Variants in KTN1 observed in about 807,000 individuals in gnomAD.
KTN1 encodes the protein kinectin 1, also known as kinectin.
In KTN1, 130 loss-of-function variants were observed where a neutral mutation model predicts 222.5. The ratio of observed to expected loss-of-function variants is 0.58; its 90% CI spans 0.51 to 0.68. The LOEUF (loss-of-function observed/expected upper bound fraction) is 0.68. KTN1 is among the 30% of genes least tolerant of loss of function. The probability of loss-of-function intolerance (pLI) is 0.00; values close to 1 mark genes in which losing one functional copy is unlikely to be tolerated. For synonymous variants in KTN1, 512 were observed against 496.3 expected (o/e 1.03, Z -0.42); for missense variants, 1,508 against 1,500.4 (o/e 1.01, Z -0.08).
At chr14:55,590,443 T>A (rs181911420) in intron 1 of KTN1, among the ~76,000 whole-genome samples, 121 of 152,332 alleles carry the variant, frequency 7.9e-4, no homozygotes, top group African/African-American at 2.9e-3. Flanking sequence ...TATAAAGACA[T>A]AATGAACAGC....
At chr14:55,594,441 C>T (rs945764193) in intron 1 of KTN1, among the ~76,000 whole-genome samples, 2 of 151,314 alleles carry the variant, frequency 1.3e-5, no homozygotes, top group African/African-American at 4.9e-5. Flanking sequence ...TGATCTCACT[C>T]ATCCTGTGTT....
chr14:55,668,242 C>T (rs139053698), intron 34 of KTN1: 98 of 152,100 alleles, frequency 6.4e-4, no homozygotes, highest in African/African-American at 2.2e-3. Flanking sequence ...TAATAACTTA[C>T]TGTAGTTTGT....
intron 30 of KTN1, 34 bp downstream of exon 30, chr14:55,658,648 C>T (rs74053651): frequency 0.097 from 132,727 of 1,366,854 alleles, 6,667 homozygotes; most frequent in African/African-American, 0.14. Flanking sequence ...CTTTCACTTA[C>T]GTGGCAAAAA....
intron 12 of KTN1, among the ~76,000 whole-genome samples, chr14:55,638,501 G>T (rs1021668670): frequency 2.0e-5 from 3 of 151,834 alleles, no homozygotes; most frequent in Non-Finnish European, 4.4e-5. Context: ...ATAAAAAGTG[G>T]TTTTTAACAT....
chr14:55,586,029 G>A (rs1478415690), intron 1 of KTN1, among the ~76,000 whole-genome samples: 1 of 152,184 alleles, frequency 6.6e-6, no homozygotes, highest in Non-Finnish European at 1.5e-5. Context: ...TGGAAAATGT[G>A]GGACAATTAT....
chr14:55,610,432 T>C (rs928962832), intron 1 of KTN1, among the ~76,000 whole-genome samples: 1 of 152,226 alleles, frequency 6.6e-6, no homozygotes, highest in Admixed American at 6.5e-5. Context: ...AGTCTTATAT[T>C]CAATAAACTC....
intron 37 of KTN1, 110 bp downstream of exon 37, chr14:55,671,987 C>T: frequency 3.0e-6 from 2 of 674,938 alleles, no homozygotes; most frequent in Non-Finnish European, 5.3e-6. Context: ...CTACCAAATC[C>T]AAAACATGTA....
intron 41 of KTN1, among the ~76,000 whole-genome samples, chr14:55,676,282 GA>G (rs1380014775): frequency 6.6e-6 from 1 of 152,012 alleles, no homozygotes; most frequent in Non-Finnish European, 1.5e-5. Flanking sequence ...ATAAAACAAA[GA>G]TATAAATTTC....
At chr14:55,594,896 G>C (rs1270983141) in intron 1 of KTN1, among the ~76,000 whole-genome samples, 2 of 152,154 alleles carry the variant, frequency 1.3e-5, no homozygotes, top group Non-Finnish European at 2.9e-5. Context: ...TCACTTTTTG[G>C]GAAGTCTGTT....
Position 55,650,652 on chromosome 14 carries a change from G to A in KTN1, c.2565+15G>A. On this transcript the variant is annotated intron_variant, in intron 24 of 43. Transcript: ENST00000395314. Reference sequence around the variant, plus strand: ...AGGCTCAACAGGTAAAAATCCCAGAGCCATAGCATGACAGATTTATTAGTT... The same window carrying A: ...AGGCTCAACAGGTAAAAATCCCAGAACCATAGCATGACAGATTTATTAGTT... 6.4e-7 allele frequency: 1 copy of A among 1,570,144 alleles called. No homozygotes were observed. Among genetic ancestry groups the A allele is most frequent in the Non-Finnish European group, 8.7e-7 (1 of 1,143,622 alleles).
At chr14:55,616,746 C>A in intron 3 of KTN1, 92 bp downstream of exon 3, 1 of 1,009,308 alleles carries the variant, frequency 9.9e-7, no homozygotes, top group Non-Finnish European at 1.4e-6. Context: ...CTTTAGCTCC[C>A]AGTTTAATGT....
chr14:55,648,261 A>G (rs528194898), intron 20 of KTN1, 146 bp downstream of exon 20: 10 of 431,090 alleles, frequency 2.3e-5, no homozygotes, highest in African/African-American at 1.9e-4. Context: ...TTTTTTAATT[A>G]AAGTTTTTTT....
At chr14:55,634,785 C>T (rs1054334645) in intron 9 of KTN1, 127 bp downstream of exon 9, 33 of 709,676 alleles carry the variant, frequency 4.7e-5, no homozygotes, top group Middle Eastern at 4.0e-4. Context: ...AATTGACTCA[C>T]GGTTCAACAT....
At chr14:55,679,064 G>A (rs1473627053) in intron 42 of KTN1, 1 of 155,358 alleles carries the variant, frequency 6.4e-6, no homozygotes, top group African/African-American at 2.4e-5. Context: ...GCCACTTTGT[G>A]CTTTAGTTGC....
At position 55,588,848 on chromosome 14, in the gene KTN1, G is replaced by A. The variant is rs144569627; in HGVS notation, c.-31+8494G>A. On this transcript the variant is annotated intron_variant, in intron 1 of 43. Transcript: ENST00000395314. ...TGGTAGTAAATTATGAAATAGACTG[G>A]GATCTACATATATTTTATGCATTCA... Among the ~76,000 whole-genome samples the A allele has an allele frequency of 4.4e-3, 672 of 151,644 alleles. 3 individuals are homozygous for A. Among genetic ancestry groups the A allele is most frequent in the African/African-American group, 0.015 (632 of 41,312 alleles).
chr14:55,648,171 TTC>T, intron 20 of KTN1, 56 bp downstream of exon 20: 1 of 853,642 alleles, frequency 1.2e-6, no homozygotes, highest in Non-Finnish European at 1.8e-6. Context: ...ATAAAAGGAT[TTC>T]TCTGTAATTT....
intron 32 of KTN1, among the ~76,000 whole-genome samples, chr14:55,662,606 G>A (rs774150591): frequency 1.3e-5 from 2 of 152,178 alleles, no homozygotes; most frequent in Non-Finnish European, 2.9e-5. Flanking sequence ...AGAAATTTTT[G>A]TACACTGTAG....
chr14:55,582,285 GTCCCTAAAAATGCCTCACTTCAGTC>G (rs1350946247), intron 1 of KTN1, among the ~76,000 whole-genome samples: 1 of 152,032 alleles, frequency 6.6e-6, no homozygotes, highest in African/African-American at 2.4e-5. Flanking sequence ...TGTTGTGTTT[GTCCCTAAAAATGCCTCACTTCAGTC>G]TCCCTTCTAG....
chr14:55,594,375 T>C (rs2034662229), intron 1 of KTN1, among the ~76,000 whole-genome samples: 1 of 152,198 alleles, frequency 6.6e-6, no homozygotes, highest in South Asian at 2.1e-4. Flanking sequence ...TTTATGATTA[T>C]ATAATAATTA....
Sources: allele counts gnomAD v4.1 joint callset (sites outside exome capture counted in the v4.1 genomes callset), GRCh38; gene constraint gnomAD v4.1.1; transcripts MANE v1.5; gene names NCBI Gene and HGNC (gene_info 2026-07-23, HGNC 2026-07-21).